The following TBC1D19 variants were observed in gnomAD, a reference collection of about 807,000 sequenced individuals.
The protein encoded by TBC1D19 is TBC1 domain family, member 19.
Under a neutral mutation model 89.0 loss-of-function variants are expected in TBC1D19, and 60 were observed. The observed-to-expected ratio is 0.67, with a 90% confidence interval of 0.55 to 0.84. The LOEUF (loss-of-function observed/expected upper bound fraction) is 0.84, where lower values mean the gene tolerates loss of function less well. Ranked by LOEUF, TBC1D19 falls within the 40% of genes least tolerant of loss-of-function variation. TBC1D19 has a pLI of 0.00. For missense variants in TBC1D19, 500 were observed against 610.8 expected (o/e 0.82, Z 1.91); for synonymous variants, 189 against 199.7 (o/e 0.95, Z 0.45).
the TBC1D19 span, among the ~76,000 whole-genome samples, chr4:26,825,701 A>C: frequency 1.3e-5 from 2 of 152,016 alleles, no homozygotes; most frequent in Admixed American, 6.6e-5. Context: ...TTTGGGTGCA[A>C]CTCCCAGCCC....
intron 1 of TBC1D19, among the ~76,000 whole-genome samples, chr4:26,597,650 C>T (rs562232441): frequency 1.3e-3 from 195 of 151,926 alleles, no homozygotes; most frequent in African/African-American, 4.4e-3. Flanking sequence ...AGGCGTGAGC[C>T]ACTGCGCCTG....
At chr4:26,775,142 C>T in the TBC1D19 span, among the ~76,000 whole-genome samples, 1 of 152,120 alleles carries the variant, frequency 6.6e-6, no homozygotes, top group Non-Finnish European at 1.5e-5. Flanking sequence ...TTGTACCCTC[C>T]AAAACTCATG....
At chr4:26,736,494 T>C (rs1032682620) in intron 16 of TBC1D19, among the ~76,000 whole-genome samples, 18 of 151,608 alleles carry the variant, frequency 1.2e-4, no homozygotes, top group African/African-American at 3.6e-4. Flanking sequence ...TGTATACGTA[T>C]GTAACTAACC....
intron 1 of TBC1D19, among the ~76,000 whole-genome samples, chr4:26,598,291 A>G (rs1158850776): frequency 6.6e-6 from 1 of 152,188 alleles, no homozygotes; most frequent in Admixed American, 6.5e-5. Context: ...TATGTTATTT[A>G]ATATCCCTAT....
At chr4:26,728,351 A>C (rs1244941730) in intron 15 of TBC1D19, among the ~76,000 whole-genome samples, 1 of 152,240 alleles carries the variant, frequency 6.6e-6, no homozygotes, top group Non-Finnish European at 1.5e-5. Flanking sequence ...TAAGGCATCA[A>C]AATATGCCTA....
the TBC1D19 span, among the ~76,000 whole-genome samples, chr4:26,786,354 G>C: frequency 2.6e-5 from 4 of 152,162 alleles, no homozygotes; most frequent in African/African-American, 9.7e-5. Context: ...AGTAGTACCA[G>C]CCGGGCACGG....
chr4:26,835,516 A>G, the TBC1D19 span, among the ~76,000 whole-genome samples: 1 of 152,326 alleles, frequency 6.6e-6, no homozygotes, highest in African/African-American at 2.4e-5. Flanking sequence ...CAGCAGTGTC[A>G]CTTCTGTTCA....
the TBC1D19 span, among the ~76,000 whole-genome samples, chr4:26,840,416 A>G: frequency 8.0e-3 from 1,222 of 152,212 alleles, 18 homozygotes; most frequent in African/African-American, 0.027. Context: ...TTTTCGTTTA[A>G]TGCTTGTAGG....
the TBC1D19 span, among the ~76,000 whole-genome samples, chr4:26,813,059 A>G: frequency 6.6e-6 from 1 of 151,962 alleles, no homozygotes; most frequent in East Asian, 1.9e-4. Context: ...CTCTAGAAAA[A>G]CTTTTTAAAA....
chr4:26,627,649 A>G (rs1351089670), intron 4 of TBC1D19, among the ~76,000 whole-genome samples: 1 of 151,886 alleles, frequency 6.6e-6, no homozygotes, highest in African/African-American at 2.4e-5. Flanking sequence ...AGTGATGGTG[A>G]GCATTTTTTC....
chr4:26,810,632 C>G, the TBC1D19 span, among the ~76,000 whole-genome samples: 1 of 152,158 alleles, frequency 6.6e-6, no homozygotes, highest in Non-Finnish European at 1.5e-5. Flanking sequence ...GTGCCAACAG[C>G]ATCCTTCACC....
chr4:26,683,891 T>G lies in TBC1D19; in HGVS notation c.891+142T>G, dbSNP rs1713575927. 6.3e-6 allele frequency: 4 copies of G among 634,260 alleles called. No homozygotes were observed. The East Asian group carries it at 1.3e-4, about 21-fold the overall frequency. The allele number at this position is 634,260 out of a possible 1,614,324, so 39.3% of individuals were successfully genotyped here. On this transcript the variant is annotated intron_variant, in intron 12 of 20. Coordinates refer to ENST00000264866, the MANE Select transcript of TBC1D19 (RefSeq NM_018317.4). Reference sequence around the variant, plus strand: ...AGTGATTAGATTTATACATATAAAGTTAAAGTTGGTGTTCAAAATTTGCAG... The same window carrying G: ...AGTGATTAGATTTATACATATAAAGGTAAAGTTGGTGTTCAAAATTTGCAG...
chr4:26,735,584 A>G (rs1357719303), intron 16 of TBC1D19, 97 bp downstream of exon 16: 12 of 1,132,652 alleles, frequency 1.1e-5, no homozygotes, highest in East Asian at 3.0e-5. Flanking sequence ...TTGTTTTACT[A>G]TAGTAAAACA....
intron 13 of TBC1D19, among the ~76,000 whole-genome samples, chr4:26,698,231 G>C (rs900582780): frequency 6.6e-6 from 1 of 152,148 alleles, no homozygotes; most frequent in Non-Finnish European, 1.5e-5. Flanking sequence ...GACAAACAGA[G>C]ACCAAAATCA....
At chr4:26,754,126 C>T (rs1294060873) in intron 20 of TBC1D19, 1 of 433,230 alleles carries the variant, frequency 2.3e-6, no homozygotes, top group East Asian at 3.6e-5. Context: ...ACCATTATAA[C>T]CATATGGGAA....
At chr4:26,681,324 G>A (rs1255153482) in intron 11 of TBC1D19, among the ~76,000 whole-genome samples, 3 of 151,806 alleles carry the variant, frequency 2.0e-5, no homozygotes, top group Non-Finnish European at 4.4e-5. Context: ...AGATCACCAG[G>A]TTCAGGAGAT....
chr4:26,671,516 A>C (rs1019515389), intron 9 of TBC1D19, among the ~76,000 whole-genome samples: 3 of 151,828 alleles, frequency 2.0e-5, no homozygotes, highest in Non-Finnish European at 4.4e-5. Flanking sequence ...TTTGATGAAC[A>C]GAAGTTTTTT....
upstream of TBC1D19, among the ~76,000 whole-genome samples, chr4:26,579,809 T>C (rs1395376367): frequency 1.3e-5 from 2 of 152,162 alleles, no homozygotes; most frequent in Admixed American, 6.6e-5. Flanking sequence ...GGCTTCCAAC[T>C]TCATCTTCTT....
At chr4:26,775,421 T>C in the TBC1D19 span, among the ~76,000 whole-genome samples, 4 of 152,106 alleles carry the variant, frequency 2.6e-5, no homozygotes, top group African/African-American at 7.2e-5. Flanking sequence ...GTTACCACAC[T>C]CCAGCCTGGG....
Sources: gnomAD v4.1 joint callset for allele counts (sites outside exome capture counted in the v4.1 genomes callset) on GRCh38, gnomAD v4.1.1 for gene constraint, MANE v1.5 for transcripts, NCBI Gene and HGNC (gene_info 2026-07-23, HGNC 2026-07-21) for gene names.